Variants in HIVEP2 observed in about 807,000 individuals in gnomAD.
The protein encoded by HIVEP2 is HIVEP zinc finger 2, also known as transcription factor HIVEP2.
In HIVEP2, 14 loss-of-function variants were observed where a neutral mutation model predicts 180.7. That is an observed-to-expected ratio of 0.08 (90% CI 0.05 to 0.12). HIVEP2 has a LOEUF of 0.12. HIVEP2 is among the 10% of genes least tolerant of loss of function. The pLI is 1.00. For missense variants in HIVEP2, 2,579 were observed against 3,008.5 expected (o/e 0.86, Z 3.34); for synonymous variants, 1,184 against 1,136.4 (o/e 1.04, Z -0.84).
At chr6:142,808,158 A>T (rs1475427991) in intron 2 of HIVEP2, among the ~76,000 whole-genome samples, 1 of 152,230 alleles carries the variant, frequency 6.6e-6, no homozygotes, top group South Asian at 2.1e-4. Flanking sequence ...AGGCATCTTT[A>T]TGCCTTTGCT....
In HIVEP2 at chr6:142,862,496, A is replaced by T. The variant is rs198659; in HGVS notation, c.-640-25449T>A. Among the ~76,000 whole-genome samples, 8 of 72,952 alleles carry T rather than the reference A, an allele frequency of 1.1e-4. 2 individuals carry two copies. Among genetic ancestry groups the T allele is most frequent in the Admixed American group, 2.6e-4 (2 of 7,792 alleles). 47.9% of individuals were successfully genotyped at this position (72,952 alleles called of 152,430 possible). ...TTTTATAATACATATAATCGATTATATGTATCATATATTTTATAATACATA... is the reference window on the plus strand; with the variant it reads ...TTTTATAATACATATAATCGATTATTTGTATCATATATTTTATAATACATA... On this transcript the variant is annotated intron_variant, in intron 1 of 9. Coordinates refer to ENST00000367603, the MANE Select transcript of HIVEP2 (RefSeq NM_006734.4).
At chr6:142,851,410 G>A (rs770771797) in intron 1 of HIVEP2, among the ~76,000 whole-genome samples, 1 of 152,204 alleles carries the variant, frequency 6.6e-6, no homozygotes, top group Non-Finnish European at 1.5e-5. Context: ...AAAAGTTTGG[G>A]CTGACTACTG....
chr6:142,842,002 C>A (rs1775378591), intron 1 of HIVEP2, among the ~76,000 whole-genome samples: 1 of 152,144 alleles, frequency 6.6e-6, no homozygotes, highest in Non-Finnish European at 1.5e-5. Flanking sequence ...AAAATATCTT[C>A]ATTTCCTTGA....
intron 2 of HIVEP2, among the ~76,000 whole-genome samples, chr6:142,824,821 TA>T (rs1774833149): frequency 6.6e-6 from 1 of 152,168 alleles, no homozygotes; most frequent in Non-Finnish European, 1.5e-5. Flanking sequence ...TAACACATCT[TA>T]GGGGTGAGGG....
chr6:142,898,181 A>C (rs182508152), intron 1 of HIVEP2, among the ~76,000 whole-genome samples: 2 of 152,246 alleles, frequency 1.3e-5, no homozygotes, highest in Admixed American at 1.3e-4. Flanking sequence ...CCTATCACAA[A>C]CAGCCTGCAT....
chr6:142,783,351 A>G (rs1186174209), intron 3 of HIVEP2, among the ~76,000 whole-genome samples, 170 bp downstream of exon 3: 1 of 147,188 alleles, frequency 6.8e-6, no homozygotes, highest in South Asian at 2.1e-4. Flanking sequence ...AAAAAAAAAA[A>G]GACTAGTCTA....
chr6:142,875,955 A>AT (rs1776423808), intron 1 of HIVEP2, among the ~76,000 whole-genome samples: 1 of 152,168 alleles, frequency 6.6e-6, no homozygotes, highest in Non-Finnish European at 1.5e-5. Context: ...CCATGCTGGG[A>AT]TATCTGCTAG....
chr6:142,897,752 T>A (rs778541080), intron 1 of HIVEP2, among the ~76,000 whole-genome samples: 1 of 152,198 alleles, frequency 6.6e-6, no homozygotes, highest in African/African-American at 2.4e-5. Context: ...GTTCAAATGG[T>A]GAAAATCCAT....
At chr6:142,804,371 C>A (rs1278133795) in intron 2 of HIVEP2, among the ~76,000 whole-genome samples, 3 of 152,150 alleles carry the variant, frequency 2.0e-5, no homozygotes, top group Non-Finnish European at 4.4e-5. Context: ...CTCTCCTGAT[C>A]TGGCTTGACA....
At chr6:142,872,451 C>T (rs892070035) in intron 1 of HIVEP2, among the ~76,000 whole-genome samples, 1 of 152,158 alleles carries the variant, frequency 6.6e-6, no homozygotes, top group Non-Finnish European at 1.5e-5. Context: ...TTTCATAAAA[C>T]CTTTCAAAGT....
chr6:142,816,901 C>CAT (rs1478668279), intron 2 of HIVEP2, among the ~76,000 whole-genome samples: 1 of 148,724 alleles, frequency 6.7e-6, no homozygotes, highest in Admixed American at 6.6e-5. Flanking sequence ...TGTGTGTGTA[C>CAT]ATATACATAT....
intron 1 of HIVEP2, among the ~76,000 whole-genome samples, chr6:142,936,045 G>A (rs373505435): frequency 1.3e-4 from 20 of 151,994 alleles, no homozygotes; most frequent in African/African-American, 4.6e-4. Flanking sequence ...CCAGGAGGTC[G>A]AGGTTGCAGT....
chr6:142,892,111 T>C (rs1776874041), intron 1 of HIVEP2, among the ~76,000 whole-genome samples: 1 of 152,210 alleles, frequency 6.6e-6, no homozygotes, highest in Non-Finnish European at 1.5e-5. Context: ...GGATAGGAGA[T>C]GCTTGTCTGT....
chr6:142,898,177 A>C (rs374996266), intron 1 of HIVEP2, among the ~76,000 whole-genome samples: 42 of 152,262 alleles, frequency 2.8e-4, no homozygotes, highest in African/African-American at 9.6e-4. Context: ...TTTACCTATC[A>C]CAAACAGCCT....
intron 2 of HIVEP2, among the ~76,000 whole-genome samples, chr6:142,805,756 C>T (rs992453491): frequency 6.6e-6 from 1 of 152,012 alleles, no homozygotes; most frequent in Non-Finnish European, 1.5e-5. Flanking sequence ...TTTTATAATG[C>T]CACCTACCAA....
chr6:142,828,113 C>T (rs767806898), intron 2 of HIVEP2, among the ~76,000 whole-genome samples: 12 of 152,140 alleles, frequency 7.9e-5, no homozygotes, highest in Non-Finnish European at 1.5e-4. Context: ...CGGCATGATA[C>T]GCTGAACACT....
At chr6:142,796,831 G>T (rs535846248) in intron 2 of HIVEP2, among the ~76,000 whole-genome samples, 1 of 152,164 alleles carries the variant, frequency 6.6e-6, no homozygotes, top group Non-Finnish European at 1.5e-5. Flanking sequence ...CCTCTCACAC[G>T]GAGATGATTG....
intron 3 of HIVEP2, among the ~76,000 whole-genome samples, chr6:142,777,249 A>G (rs1467819496): frequency 1.3e-5 from 2 of 152,232 alleles, no homozygotes; most frequent in Admixed American, 6.5e-5. Context: ...TTATGGCTCA[A>G]TGATAAAACT....
At chr6:142,850,565 A>G (rs77496574) in intron 1 of HIVEP2, among the ~76,000 whole-genome samples, 5,271 of 152,364 alleles carry the variant, frequency 0.035, 124 homozygotes, top group Non-Finnish European at 0.049. Flanking sequence ...ATTTAAAATC[A>G]ATGCAATAAT....
Sources: gnomAD v4.1 joint callset for allele counts (sites outside exome capture counted in the v4.1 genomes callset) on GRCh38, gnomAD v4.1.1 for gene constraint, MANE v1.5 for transcripts, NCBI Gene and HGNC (gene_info 2026-07-23, HGNC 2026-07-21) for gene names.